AGXT2: variants seen among roughly 807,000 people sequenced by gnomAD.
AGXT2 encodes alanine--glyoxylate aminotransferase 2, mitochondrial.
In AGXT2, 61 loss-of-function variants were observed where a neutral mutation model predicts 62.5. The observed-to-expected ratio is 0.98, with a 90% CI of 0.79 to 1.21. AGXT2 has a LOEUF of 1.21. Ranked by LOEUF, AGXT2 falls within the 50% of genes most tolerant of loss-of-function variation. The pLI, the probability that AGXT2 is intolerant of heterozygous loss-of-function variation, is 0.00. For missense variants in AGXT2, 666 were observed against 641.5 expected, an observed-to-expected ratio of 1.04 and a Z score of -0.41; for synonymous variants, 243 against 218.7, an observed-to-expected ratio of 1.11 and a Z score of -0.98.
At chr5:35,033,387 C>G in intron 6 of AGXT2, 73 bp downstream of exon 6, 2 of 1,197,310 alleles carry the variant, frequency 1.7e-6, no homozygotes, top group Non-Finnish European at 2.5e-6. Context: ...ATCCTTATAC[C>G]AGGAAAACCT....
intron 1 of AGXT2, 44 bp from the exon 2 acceptor site, chr5:35,040,707 G>T: frequency 6.7e-7 from 1 of 1,491,138 alleles, no homozygotes; most frequent in Non-Finnish European, 9.4e-7. Context: ...GCATGACATA[G>T]GTCTGTTTGT....
At chr5:35,037,195 A>G in intron 3 of AGXT2, 130 bp from the exon 4 acceptor site, 1 of 1,358,584 alleles carries the variant, frequency 7.4e-7, no homozygotes, top group Non-Finnish European at 1.0e-6. Flanking sequence ...TTTACACATG[A>G]GAATAAACTC....
rs770020059 is a variant in AGXT2 at position 35,040,608 on chromosome 5, C to T, written c.144G>A (p.Met48Ile). 1 of 1,613,928 alleles carries T rather than the reference C, an allele frequency of 6.2e-7. No homozygotes were observed. The highest frequency in any genetic ancestry group is 1.7e-5 in the Admixed American group (1 of 60,024). ...TTTCAGGCATGAAGTCACATGGAGG[C>T]ATTCTGGGCTTTGTATGAAGACTGA... ...TKLSLHTKPRMPPCDFMPERY... is the reference protein window; with the variant it reads ...TKLSLHTKPRIPPCDFMPERY... Residue 48 changes from methionine to isoleucine, a missense_variant, in exon 2 of 14, where the codon ATG (methionine) becomes ATA (isoleucine). Physicochemically the swap from Met to Ile is conservative, Grantham distance 10. Transcript: ENST00000231420.
Position 35,037,026 on chromosome 5 carries a change from C to A in AGXT2, c.402G>T (p.Leu134=), listed in dbSNP as rs1456548728. Reference sequence around the variant, plus strand: ...GGAAGAAGACGGTGCTTGTATGCCACAGGCGGCCGAGCTGCTTTTGTGCCA... The same window carrying A: ...GGAAGAAGACGGTGCTTGTATGCCAAAGGCGGCCGAGCTGCTTTTGTGCCA... ...NAVAQKQLGR[L]WHTSTVFFHP... Residue 134 remains leucine (L), a synonymous_variant, in exon 4 of 14, where the codon CTG becomes CTT. Coordinates refer to ENST00000231420, the MANE Select transcript of AGXT2 (RefSeq NM_031900.4). 27 of 1,614,104 alleles carry A rather than the reference C, an allele frequency of 1.7e-5. No homozygotes were observed. Among genetic ancestry groups the A allele is most frequent in the Non-Finnish European group, 2.0e-5 (24 of 1,180,038 alleles).
At position 35,013,989 on chromosome 5, in the gene AGXT2, G is replaced by A. The variant is rs750751459; in HGVS notation, c.1094C>T (p.Pro365Leu). Reference sequence around the variant, plus strand: ...CACAAACTGCCTGTGGGTCCTACCTGGAGTGGTTATGACTGCTGCCATGGG... The same window carrying A: ...CACAAACTGCCTGTGGGTCCTACCTAGAGTGGTTATGACTGCTGCCATGGG... ...GFPMAAVITTPEIAKSLAKCL... is the reference protein window; with the variant it reads ...GFPMAAVITTLEIAKSLAKCL... Residue 365 changes from proline (P) to leucine (L), a missense_variant and splice_region_variant, in exon 10 of 14, where the codon CCA becomes CTA. Transcript: ENST00000231420. The A allele has an allele frequency of 6.2e-7, 1 of 1,613,988 alleles. No individual in the cohort carries two copies. Among genetic ancestry groups the A allele is most frequent in the African/African-American group, 1.3e-5 (1 of 75,012 alleles).
chr5:35,039,254 G>C (rs1767890010), intron 3 of AGXT2, 70 bp downstream of exon 3: 1 of 1,519,858 alleles, frequency 6.6e-7, no homozygotes, highest in East Asian at 2.2e-5. Flanking sequence ...CAAGAGTTCA[G>C]AGTCACTAAC....
In AGXT2 at chr5:35,025,708, GTC is replaced by G. The variant is rs2112242386; in HGVS notation, c.963+53_963+54del. The G allele has an allele frequency of 2.6e-6, 4 of 1,556,718 alleles. No homozygotes were observed. In the South Asian group the frequency reaches 4.5e-5, roughly 17 times the overall value. ...CACAGAGGAAGTTTAGGAGGTTTCT[GTC>G]TGTGCATCTCCTGTTCCCACTGCAC... On this transcript the variant is annotated intron_variant, in intron 9 of 13. Transcript: ENST00000231420.
chr5:35,045,338 C>G (rs947935758), intron 1 of AGXT2, among the ~76,000 whole-genome samples: 3 of 152,254 alleles, frequency 2.0e-5, no homozygotes, highest in Non-Finnish European at 2.9e-5. Flanking sequence ...CCCCTCACCC[C>G]CATTATATTT....
intron 8 of AGXT2, 141 bp from the exon 9 acceptor site, chr5:35,025,996 C>T: frequency 1.3e-6 from 1 of 752,806 alleles, no homozygotes; most frequent in Non-Finnish European, 2.3e-6. Flanking sequence ...ACAGTTTCCA[C>T]TGTGGGTGAA....
At chr5:35,045,464 A>G (rs1768152044) in intron 1 of AGXT2, among the ~76,000 whole-genome samples, 1 of 152,130 alleles carries the variant, frequency 6.6e-6, no homozygotes, top group South Asian at 2.1e-4. Context: ...TTATTCATTT[A>G]TGTCTATCTC....
In AGXT2 at chr5:34,998,214, A is replaced by C. The variant is rs540224360; in HGVS notation, c.*505T>G. ...ATCACTAAGCACTTGGCTTCCATCC[A>C]TCTTCCAACCTCACCAAAAAGGGTT... is the stretch of plus-strand genomic sequence containing the variant. On this transcript the variant is annotated 3_prime_UTR_variant, in exon 14 of 14. Transcript: ENST00000231420. 5.8e-6 allele frequency: 1 copy of C among 173,104 alleles called. No individual in the cohort carries two copies. Among genetic ancestry groups the C allele is most frequent in the Admixed American group, 5.4e-5 (1 of 18,374 alleles). The allele number at this position is 173,104 out of a possible 1,614,324, so 10.7% of individuals were successfully genotyped here. A position where few individuals can be genotyped will look rare whatever the true frequency, so the allele number is the denominator to read the frequency against.
rs189554907 is a variant in AGXT2 at position 35,040,475 on chromosome 5, G to T, written c.177+100C>A. ...ATATCTGGAATGAGGTAGTTTAGTG[G>T]CAAGCAGGGCTATTTTTGTGTCATT... On this transcript the variant is annotated intron_variant, in intron 2 of 13. Transcript: ENST00000231420. 3.9e-5 allele frequency: 43 copies of T among 1,115,204 alleles called. No individual in the cohort carries two copies. The African/African-American group carries it at 6.0e-4, about 16-fold the overall frequency. The allele number at this position is 1,115,204 out of a possible 1,614,324, so 69.1% of individuals were successfully genotyped here.
chr5:35,030,183 T>C (rs1767509036), intron 7 of AGXT2, among the ~76,000 whole-genome samples: 1 of 152,150 alleles, frequency 6.6e-6, no homozygotes, highest in Non-Finnish European at 1.5e-5. Context: ...AAAGATTCCA[T>C]AAATAGTCTT....
intron 10 of AGXT2, 110 bp downstream of exon 10, chr5:35,013,877 C>G: frequency 6.7e-7 from 1 of 1,487,096 alleles, no homozygotes; most frequent in Non-Finnish European, 9.4e-7. Context: ...GGAAATGCAT[C>G]ATGTGGTTTC....
intron 3 of AGXT2, among the ~76,000 whole-genome samples, chr5:35,038,926 C>T (rs1250469046): frequency 3.3e-5 from 5 of 152,160 alleles, no homozygotes; most frequent in Non-Finnish European, 7.3e-5. Context: ...AGAAGATTCT[C>T]TAGGCTAGAA....
chr5:35,036,663 A>G (rs188818045), intron 4 of AGXT2, among the ~76,000 whole-genome samples: 1 of 152,318 alleles, frequency 6.6e-6, no homozygotes, highest in Non-Finnish European at 1.5e-5. Context: ...TGGTGAAGAG[A>G]GCAACCAAAG....
Position 35,005,217 on chromosome 5 carries a change from TTTG to T in AGXT2, c.1339-1359_1339-1357del, listed in dbSNP as rs934096025. Among the ~76,000 whole-genome samples the T allele has an allele frequency of 9.5e-4, 145 of 152,008 alleles. 1 individual carries two copies. The highest frequency in any genetic ancestry group is 3.1e-3 in the African/African-American group (128 of 41,468). Reference sequence around the variant, plus strand: ...AGGTTGGGTTGGGGGGGTCAGTTCTTTTGTTGTTGTTGTTGTTGTTTTGTTTTC... The same window carrying T: ...AGGTTGGGTTGGGGGGGTCAGTTCTTTTGTTGTTGTTGTTGTTTTGTTTTC... On this transcript the variant is annotated intron_variant, in intron 12 of 13. Coordinates refer to ENST00000231420, the MANE Select transcript of AGXT2 (RefSeq NM_031900.4).
intron 4 of AGXT2, among the ~76,000 whole-genome samples, chr5:35,035,734 T>G (rs1014194606): frequency 1.2e-4 from 18 of 152,148 alleles, no homozygotes; most frequent in Non-Finnish European, 2.2e-4. Context: ...ACTCTGCAAC[T>G]CCAGGGGTTG....
At chr5:35,043,971 C>T (rs13171891) in intron 1 of AGXT2, among the ~76,000 whole-genome samples, 36,845 of 152,128 alleles carry the variant, frequency 0.24, 5,005 homozygotes, top group Non-Finnish European at 0.31. Context: ...TGATTACAGG[C>T]GTGAACCACT....
Sources: gnomAD v4.1 joint callset for allele counts (sites outside exome capture counted in the v4.1 genomes callset) on GRCh38, gnomAD v4.1.1 for gene constraint, MANE v1.5 for transcripts, NCBI Gene and HGNC (gene_info 2026-07-23, HGNC 2026-07-21) for gene names.